The following TENM4 variants were observed in gnomAD, a reference collection of about 807,000 sequenced individuals.
TENM4 encodes teneurin transmembrane protein 4, also known as teneurin-4.
Under a neutral mutation model 243.3 loss-of-function variants are expected in TENM4, and 82 were observed. The observed-to-expected ratio is 0.34, with a 90% CI of 0.28 to 0.40. The LOEUF (loss-of-function observed/expected upper bound fraction) is 0.40. Among genes scored for constraint, TENM4 ranks in the 10% least tolerant of loss-of-function variants. The pLI is 1.00. For missense variants in TENM4, 3,138 were observed against 3,673.3 expected, an observed-to-expected ratio of 0.85 and a Z score of 3.77; for synonymous variants, 1,412 against 1,456.3, an observed-to-expected ratio of 0.97 and a Z score of 0.69.
In TENM4 at chr11:79,124,665, G is replaced by A. The variant is rs866522710; in HGVS notation, c.-66+24045C>T. 5.2e-3 allele frequency among the ~76,000 whole-genome samples: 779 copies of A among 149,354 alleles called. 12 individuals carry two copies. Among genetic ancestry groups the A allele is most frequent in the African/African-American group, 0.018 (735 of 40,522 alleles). On this transcript the variant is annotated intron_variant, in intron 4 of 33. Transcript: ENST00000278550. ...TATATATGTGTGTGTGTGTGTGTGT[G>A]TGTGTGTGTGTATACATACATATAT...
At chr11:79,364,056 A>G (rs1363799389) in intron 1 of TENM4, among the ~76,000 whole-genome samples, 1 of 152,208 alleles carries the variant, frequency 6.6e-6, no homozygotes, top group Non-Finnish European at 1.5e-5. Flanking sequence ...ATTCCCAGAG[A>G]TGAATGGTTA....
intron 6 of TENM4, among the ~76,000 whole-genome samples, chr11:78,969,063 A>G (rs542696012): frequency 6.6e-6 from 1 of 152,188 alleles, no homozygotes; most frequent in Non-Finnish European, 1.5e-5. Context: ...TTGCTGAAGG[A>G]CTGGTGATCT....
chr11:78,922,751 T>G (rs1462692708), intron 6 of TENM4, among the ~76,000 whole-genome samples: 1 of 152,146 alleles, frequency 6.6e-6, no homozygotes, highest in Non-Finnish European at 1.5e-5. Context: ...GAAAGTGAGT[T>G]AAACAAAAAT....
chr11:79,212,394 A>G (rs1435047693), intron 3 of TENM4, among the ~76,000 whole-genome samples: 1 of 152,170 alleles, frequency 6.6e-6, no homozygotes, highest in African/African-American at 2.4e-5. Context: ...CCTGTTTCTG[A>G]GTGGTCCTGA....
chr11:79,108,988 G>A (rs529088288), intron 4 of TENM4, among the ~76,000 whole-genome samples: 37 of 152,128 alleles, frequency 2.4e-4, no homozygotes, highest in South Asian at 1.5e-3. Context: ...TCTCTCTGCC[G>A]CCCAGAAGGC....
Position 78,708,352 on chromosome 11 carries a change from C to T in TENM4, c.4209+9G>A, listed in dbSNP as rs547577008. ...AGTCCCAGGGCTTTGGTAGATGAAGCCATCTTACCTGGGAAATATCCATGA... is the reference window on the plus strand; with the variant it reads ...AGTCCCAGGGCTTTGGTAGATGAAGTCATCTTACCTGGGAAATATCCATGA... On this transcript the variant is annotated intron_variant, in intron 27 of 33. Transcript: ENST00000278550. 6.2e-7 allele frequency: 1 copy of T among 1,613,730 alleles called. No individual in the cohort carries two copies. Among genetic ancestry groups the T allele is most frequent in the East Asian group, 2.2e-5 (1 of 44,894 alleles).
At chr11:78,692,397 A>T (rs1265290055) in intron 28 of TENM4, among the ~76,000 whole-genome samples, 2 of 152,162 alleles carry the variant, frequency 1.3e-5, no homozygotes, top group Non-Finnish European at 2.9e-5. Context: ...AGGCTATATC[A>T]TATAACCTCG....
rs767456713 is a variant in TENM4 at position 78,863,010 on chromosome 11, C to T, written c.1207G>A (p.Gly403Ser). Reference protein sequence around the residue: ...PTDVSLYPSGGTGLETPDRKG... With the variant: ...PTDVSLYPSGSTGLETPDRKG... The stretch of plus-strand genomic sequence containing the variant: ...CTGTCAGGGGTCTCTAAGCCAGTGC[C>T]CCCTGAGGGGTATAGGGAGACGTCG... Residue 403 changes from glycine (G) to serine (S), a missense_variant, in exon 10 of 34, where the codon GGC becomes AGC. By Grantham distance (56) the Gly-to-Ser change is moderately conservative (BLOSUM62 0). This residue lies in a region of TENM4 where 671 missense variants were observed against 614.1 expected (regional missense o/e 1.09). Coordinates refer to ENST00000278550, the MANE Select transcript of TENM4 (RefSeq NM_001098816.3). The T allele has an allele frequency of 8.6e-6, 13 of 1,520,056 alleles. No homozygotes were observed. The African/African-American group carries it at 1.2e-4, about 15-fold the overall frequency. The allele number at this position is 1,520,056 out of a possible 1,614,324, so 94.2% of individuals were successfully genotyped here.
intron 6 of TENM4, among the ~76,000 whole-genome samples, chr11:78,997,463 C>A (rs1035973734): frequency 4.6e-5 from 7 of 152,202 alleles, no homozygotes; most frequent in African/African-American, 1.7e-4. Context: ...ATGACTGTTA[C>A]AACTTTAAGA....
At chr11:78,667,154 T>C (rs1858177823) in intron 32 of TENM4, among the ~76,000 whole-genome samples, 2 of 152,180 alleles carry the variant, frequency 1.3e-5, no homozygotes, top group South Asian at 2.1e-4. Flanking sequence ...CTGTGAAACA[T>C]TGTTAGCATA....
intron 2 of TENM4, among the ~76,000 whole-genome samples, chr11:79,259,549 A>G (rs750990830): frequency 2.7e-5 from 4 of 148,316 alleles, no homozygotes; most frequent in Non-Finnish European, 6.0e-5. Flanking sequence ...ACCTACCCAT[A>G]TACTCACTCA....
At chr11:79,436,769 C>T (rs937837252) in intron 1 of TENM4, among the ~76,000 whole-genome samples, 2 of 152,194 alleles carry the variant, frequency 1.3e-5, no homozygotes, top group Non-Finnish European at 2.9e-5. Flanking sequence ...CAAACAGAGG[C>T]CTTGATGAAA....
At chr11:79,062,573 T>G (rs974475443) in intron 6 of TENM4, among the ~76,000 whole-genome samples, 9 of 152,316 alleles carry the variant, frequency 5.9e-5, no homozygotes, top group Admixed American at 3.9e-4. Flanking sequence ...GTGGTTTAAG[T>G]TTGTTTGATT....
At chr11:78,996,329 A>G (rs2136682966) in intron 6 of TENM4, among the ~76,000 whole-genome samples, 1 of 152,234 alleles carries the variant, frequency 6.6e-6, no homozygotes, top group South Asian at 2.1e-4. Context: ...AGTTAAGTGG[A>G]AAAACCACAT....
chr11:79,092,312 C>G (rs1177575313), intron 4 of TENM4, among the ~76,000 whole-genome samples: 1 of 152,320 alleles, frequency 6.6e-6, no homozygotes, highest in Admixed American at 6.5e-5. Flanking sequence ...GTTTACTGAG[C>G]TGAACCATTT....
chr11:78,812,438 AC>A, intron 13 of TENM4, 122 bp from the exon 14 acceptor site: 1 of 1,116,136 alleles, frequency 9.0e-7, no homozygotes. Context: ...TGCCACAAAC[AC>A]CCATGTGTGC....
At chr11:79,051,572 T>G (rs1859793498) in intron 6 of TENM4, among the ~76,000 whole-genome samples, 2 of 152,352 alleles carry the variant, frequency 1.3e-5, no homozygotes, top group Non-Finnish European at 2.9e-5. Flanking sequence ...CTGGGTTAGC[T>G]ATCAGCTTTT....
chr11:78,963,000 G>T (rs2852247), intron 6 of TENM4, among the ~76,000 whole-genome samples: 41,597 of 152,172 alleles, frequency 0.27, 6,484 homozygotes, highest in Non-Finnish European at 0.36. Flanking sequence ...CTGCCTAAAA[G>T]CAAGACCCTT....
At chr11:78,738,041 CA>C (rs1313236039) in intron 20 of TENM4, among the ~76,000 whole-genome samples, 1 of 152,160 alleles carries the variant, frequency 6.6e-6, no homozygotes, top group Non-Finnish European at 1.5e-5. Context: ...TGGAGGAATT[CA>C]AAGGTCAGAA....
Sources: allele counts gnomAD v4.1 joint callset (sites outside exome capture counted in the v4.1 genomes callset), GRCh38; gene constraint gnomAD v4.1.1; regional missense constraint gnomAD v4.1.1; transcripts MANE v1.5; gene names NCBI Gene and HGNC (gene_info 2026-07-23, HGNC 2026-07-21).